Variants in SUGCT observed in about 807,000 individuals in gnomAD.
SUGCT encodes succinyl-CoA:glutarate-CoA transferase.
SUGCT carries 41 observed loss-of-function variants against 55.0 expected under a neutral mutation model. The ratio of observed to expected loss-of-function variants is 0.74; its 90% CI spans 0.58 to 0.97. The LOEUF is 0.97. Among genes scored for constraint, SUGCT ranks in the 50% least tolerant of loss-of-function variants. The pLI is 0.00. For synonymous variants in SUGCT, 187 were observed against 200.4 expected (o/e 0.93, Z 0.56); for missense variants, 568 against 547.8 (o/e 1.04, Z -0.37).
At chr7:40,499,009 G>A (rs1040544013) in intron 12 of SUGCT, 17 of 445,290 alleles carry the variant, frequency 3.8e-5, no homozygotes, top group African/African-American at 2.6e-4. Flanking sequence ...TATGATTTCC[G>A]TTTAAGGTAT....
intron 7 of SUGCT, among the ~76,000 whole-genome samples, chr7:40,244,060 G>A (rs551631998): frequency 6.6e-6 from 1 of 152,144 alleles, no homozygotes; most frequent in Non-Finnish European, 1.5e-5. Context: ...GTAATCCCAG[G>A]TACTTGGGAG....
intron 12 of SUGCT, among the ~76,000 whole-genome samples, chr7:40,589,953 A>T (rs1797622261): frequency 6.6e-6 from 1 of 152,106 alleles, no homozygotes; most frequent in Non-Finnish European, 1.5e-5. Context: ...AACACATTGA[A>T]GTTTTGTGGC....
In SUGCT at chr7:40,686,486, C is replaced by T. The variant is rs140720639; in HGVS notation, c.1090-62948C>T. ...GAATGGTGCTTGACACACAGAAAGA[C>T]AGCATTAACTATTGATATTTCAGAG... On this transcript the variant is annotated intron_variant, in intron 12 of 13. Coordinates refer to ENST00000335693, the MANE Select transcript of SUGCT (RefSeq NM_001193313.2). Among the ~76,000 whole-genome samples the T allele has an allele frequency of 3.4e-3, 524 of 152,234 alleles. 5 individuals carry two copies. The highest frequency in any genetic ancestry group is 0.012 in the African/African-American group (493 of 41,540).
chr7:40,842,334 A>G (rs1303598745), intron 13 of SUGCT, among the ~76,000 whole-genome samples: 1 of 152,122 alleles, frequency 6.6e-6, no homozygotes, highest in Admixed American at 6.5e-5. Flanking sequence ...AATAACAAAA[A>G]ATATGTTCTT....
chr7:40,376,671 C>T (rs561166974), intron 9 of SUGCT, among the ~76,000 whole-genome samples: 3 of 152,114 alleles, frequency 2.0e-5, no homozygotes, highest in Admixed American at 6.5e-5. Context: ...GGATTACAGG[C>T]GTGAGCTACT....
chr7:40,277,263 A>G (rs1018659973), intron 8 of SUGCT, among the ~76,000 whole-genome samples: 2 of 151,980 alleles, frequency 1.3e-5, no homozygotes, highest in Non-Finnish European at 2.9e-5. Flanking sequence ...GCTCACTGCA[A>G]CTTCTGACTC....
chr7:40,324,976 C>G (rs1192964247), intron 9 of SUGCT, among the ~76,000 whole-genome samples: 1 of 152,198 alleles, frequency 6.6e-6, no homozygotes, highest in African/African-American at 2.4e-5. Context: ...AAAATAACAT[C>G]TTCCTTGTTC....
intron 13 of SUGCT, among the ~76,000 whole-genome samples, chr7:40,835,474 GA>G (rs1476368171): frequency 6.6e-6 from 1 of 151,968 alleles, no homozygotes; most frequent in Non-Finnish European, 1.5e-5. Context: ...TTGAAATATT[GA>G]CTACAGAAAT....
At chr7:40,482,427 A>T (rs561401083) in intron 11 of SUGCT, among the ~76,000 whole-genome samples, 9 of 152,300 alleles carry the variant, frequency 5.9e-5, no homozygotes, top group African/African-American at 2.2e-4. Context: ...TTATGCATAA[A>T]CCAAAATTAT....
At chr7:40,481,989 C>T (rs906214405) in intron 11 of SUGCT, among the ~76,000 whole-genome samples, 1 of 152,096 alleles carries the variant, frequency 6.6e-6, no homozygotes, top group Non-Finnish European at 1.5e-5. Context: ...ACTGCTGTAA[C>T]CCTACACAAT....
intron 7 of SUGCT, among the ~76,000 whole-genome samples, chr7:40,253,214 C>T (rs992909547): frequency 6.6e-6 from 1 of 152,032 alleles, no homozygotes; most frequent in South Asian, 2.1e-4. Context: ...GAAGATGGTA[C>T]CTATTAACAT....
intron 13 of SUGCT, among the ~76,000 whole-genome samples, chr7:40,842,403 G>A (rs1793322856): frequency 6.6e-6 from 1 of 152,090 alleles, no homozygotes; most frequent in South Asian, 2.1e-4. Flanking sequence ...GACTCATTTT[G>A]CATGGTTCAT....
intron 1 of SUGCT, among the ~76,000 whole-genome samples, chr7:40,169,188 T>C (rs190575750): frequency 8.5e-4 from 129 of 152,250 alleles, no homozygotes; most frequent in Middle Eastern, 3.4e-3. Context: ...CTGCTTTTGC[T>C]AGGATGTCTC....
intron 12 of SUGCT, among the ~76,000 whole-genome samples, chr7:40,541,352 A>G (rs541238213): frequency 6.6e-6 from 1 of 152,260 alleles, no homozygotes; most frequent in South Asian, 2.1e-4. Flanking sequence ...ATTCTAGAGA[A>G]CGGTTTGTCA....
At chr7:40,910,558 G>A in the SUGCT span, among the ~76,000 whole-genome samples, 1 of 152,152 alleles carries the variant, frequency 6.6e-6, no homozygotes, top group Non-Finnish European at 1.5e-5. Flanking sequence ...GGGAAGTAAT[G>A]AGAAGTAAGA....
intron 12 of SUGCT, among the ~76,000 whole-genome samples, chr7:40,661,814 T>C (rs530207250): frequency 6.2e-4 from 94 of 152,320 alleles, no homozygotes; most frequent in African/African-American, 2.2e-3. Flanking sequence ...CTTGGTCTTC[T>C]TTGCTGGCTT....
intron 9 of SUGCT, among the ~76,000 whole-genome samples, chr7:40,437,764 A>G (rs1319467): frequency 0.89 from 135,109 of 152,088 alleles, 60,468 homozygotes; most frequent in African/African-American, 0.93. Context: ...TCATGGCGGT[A>G]AGTTAAACTT....
At chr7:40,892,710 T>A in the SUGCT span, among the ~76,000 whole-genome samples, 1 of 151,952 alleles carries the variant, frequency 6.6e-6, no homozygotes. Flanking sequence ...ATTAAAAAAA[T>A]TTTCTTTTGT....
intron 12 of SUGCT, among the ~76,000 whole-genome samples, chr7:40,747,351 A>C (rs907358987): frequency 1.1e-4 from 17 of 152,198 alleles, no homozygotes; most frequent in African/African-American, 4.1e-4. Flanking sequence ...TGTCTTATTG[A>C]TGATTTATTT....
Sources: allele counts gnomAD v4.1 joint callset (sites outside exome capture counted in the v4.1 genomes callset), GRCh38; gene constraint gnomAD v4.1.1; transcripts MANE v1.5; gene names NCBI Gene and HGNC (gene_info 2026-07-23, HGNC 2026-07-21).